Variants in IGHMBP2 observed in about 807,000 individuals in gnomAD.
IGHMBP2 encodes the protein immunoglobulin mu DNA binding protein 2.
Under a neutral mutation model 96.0 loss-of-function variants are expected in IGHMBP2, and 81 were observed. The ratio of observed to expected loss-of-function variants is 0.84; its 90% confidence interval spans 0.71 to 1.01. The LOEUF (loss-of-function observed/expected upper bound fraction) is 1.01, where lower values mean the gene tolerates loss of function less well. Ranked by LOEUF, IGHMBP2 falls within the 50% of genes least tolerant of loss-of-function variation. IGHMBP2 has a pLI of 0.00. For synonymous variants in IGHMBP2, 557 were observed against 548.9 expected (o/e 1.01, Z -0.21); for missense variants, 1,227 against 1,306.3 (o/e 0.94, Z 0.94).
intron 8 of IGHMBP2, chr11:68,933,082 G>A: frequency 3.3e-6 from 2 of 600,134 alleles, no homozygotes; most frequent in South Asian, 3.8e-5. Flanking sequence ...CAGCGTCCCT[G>A]TTGTCCTGTA....
chr11:68,929,489 C>T, intron 8 of IGHMBP2, 132 bp downstream of exon 8: 6 of 854,516 alleles, frequency 7.0e-6, no homozygotes, highest in Non-Finnish European at 1.1e-5. Context: ...AGCTCCTACC[C>T]CGTCTTACAG....
chr11:68,906,291 T>C, intron 2 of IGHMBP2, 53 bp downstream of exon 2: 3 of 1,571,442 alleles, frequency 1.9e-6, no homozygotes, highest in Non-Finnish European at 2.6e-6. Flanking sequence ...ATTCAGACCG[T>C]GACTTGTACC....
intron 11 of IGHMBP2, among the ~76,000 whole-genome samples, 178 bp from the exon 12 acceptor site, chr11:68,935,121 G>A (rs547119430): frequency 5.3e-5 from 8 of 152,228 alleles, no homozygotes; most frequent in Admixed American, 1.3e-4. Flanking sequence ...TGGTATTGGC[G>A]TGCATGCGTG....
chr11:68,933,655 C>T, intron 9 of IGHMBP2, 140 bp from the exon 10 acceptor site: 1 of 995,578 alleles, frequency 1.0e-6, no homozygotes, highest in Non-Finnish European at 1.5e-6. Flanking sequence ...AGGCCCGCTC[C>T]CTCCCTTCTG....
chr11:68,931,928 T>TG (rs1859320991), intron 8 of IGHMBP2, among the ~76,000 whole-genome samples: 1 of 144,100 alleles, frequency 6.9e-6, no homozygotes, highest in Admixed American at 6.8e-5. Context: ...AGGATGGTTT[T>TG]GGGGGAAGAC....
In IGHMBP2 at chr11:68,934,518, C is replaced by T. The variant is rs1303865129; in HGVS notation, c.1592C>T (p.Pro531Leu). The change falls in exon 11 of 15, where the codon CCA (proline) becomes CTA (leucine). Residue 531 changes from proline (P) to leucine (L), a missense_variant. Pro to Leu is a moderately conservative substitution (Grantham distance 98). This residue lies in a region of IGHMBP2 where 703 missense variants were observed against 770.3 expected (regional missense o/e 0.91). Coordinates refer to ENST00000255078, the MANE Select transcript of IGHMBP2 (RefSeq NM_002180.3). Reference sequence around the variant, plus strand: ...CAGGCTCTGGTGGACGCTGGTGTTCCAGCCCGTGACATTGCTGTGGTCTCG... The same window carrying T: ...CAGGCTCTGGTGGACGCTGGTGTTCTAGCCCGTGACATTGCTGTGGTCTCG... ...HIQALVDAGV[P>L]ARDIAVVSPY... 3.7e-6 allele frequency: 6 copies of T among 1,613,032 alleles called. No homozygotes were observed. Among genetic ancestry groups the T allele is most frequent in the Non-Finnish European group, 5.1e-6 (6 of 1,179,486 alleles).
rs1239597688 is a variant in IGHMBP2 at position 68,936,736 on chromosome 11, C to T, written c.2256C>T (p.Ser752=). The T allele has an allele frequency of 6.2e-7, 1 of 1,614,100 alleles. No individual in the cohort carries two copies. Among genetic ancestry groups the T allele is most frequent in the Non-Finnish European group, 8.5e-7 (1 of 1,180,042 alleles). The change falls in exon 13 of 15, where the codon TCC becomes TCT. Residue 752 remains serine, a synonymous_variant. Transcript: ENST00000255078. ...MQLEFPPSLN[S]HDRLRVHQIA... is the part of the protein sequence containing the mutation. ...TGGAGTTTCCTCCTTCCCTCAATTCCCACGACAGGCTGCGGGTCCACCAAA... is the reference window on the plus strand; with the variant it reads ...TGGAGTTTCCTCCTTCCCTCAATTCTCACGACAGGCTGCGGGTCCACCAAA...
chr11:68,924,695 A>G (rs558127374), intron 7 of IGHMBP2, among the ~76,000 whole-genome samples: 3 of 152,334 alleles, frequency 2.0e-5, no homozygotes, highest in Non-Finnish European at 2.9e-5. Flanking sequence ...ACAATGGGTT[A>G]TCGTCTTATG....
chr11:68,911,398 T>G, intron 4 of IGHMBP2, 42 bp from the exon 5 acceptor site: 1 of 1,607,624 alleles, frequency 6.2e-7, no homozygotes, highest in African/African-American at 1.3e-5. Flanking sequence ...CCCACAGAGC[T>G]CCCCAGAGCA....
chr11:68,935,734 C>A (rs1468539195), intron 12 of IGHMBP2, among the ~76,000 whole-genome samples: 1 of 152,208 alleles, frequency 6.6e-6, no homozygotes. Context: ...CTTTAGCCTC[C>A]ATGCACGGAG....
intron 7 of IGHMBP2, among the ~76,000 whole-genome samples, chr11:68,924,679 C>G (rs972371111): frequency 2.0e-5 from 3 of 152,244 alleles, no homozygotes; most frequent in Admixed American, 6.5e-5. Context: ...GACATAGTCT[C>G]CTAGCACAAT....
chr11:68,936,088 C>A, intron 12 of IGHMBP2, 149 bp from the exon 13 acceptor site: 2 of 841,748 alleles, frequency 2.4e-6, no homozygotes, highest in Non-Finnish European at 4.0e-6. Flanking sequence ...TGTGGCATCA[C>A]GGTGCCACGC....
chr11:68,905,566 C>G (rs1037323781), intron 1 of IGHMBP2, among the ~76,000 whole-genome samples: 1 of 152,160 alleles, frequency 6.6e-6, no homozygotes, highest in African/African-American at 2.4e-5. Context: ...GTCTTCTGTT[C>G]TGTGTATGAA....
rs201970407 is a variant in IGHMBP2 at position 68,938,244 on chromosome 11, A to G, written c.2674A>G (p.Lys892Glu). 104 of 1,613,932 alleles carry G rather than the reference A, an allele frequency of 6.4e-5. 1 individual carries two copies. The highest frequency in any genetic ancestry group is 1.5e-5 in the Non-Finnish European group (18 of 1,180,020). ...TGAGGCCCTGGTTTCTGCCGCCGTT[A>G]AGGCTGATAACACCTGCGGCTTTGC... ...DFEALVSAAV[K>E]ADNTCGFAKC... is the part of the protein sequence containing the mutation. The change falls in exon 14 of 15, where the codon AAG (lysine) becomes GAG (glutamate). Residue 892 changes from lysine to glutamate, a missense_variant. This residue lies in a region of IGHMBP2 where 703 missense variants were observed against 770.3 expected (regional missense o/e 0.91). Transcript: ENST00000255078.
At chr11:68,905,620 G>A (rs1271298831) in intron 1 of IGHMBP2, among the ~76,000 whole-genome samples, 1 of 152,216 alleles carries the variant, frequency 6.6e-6, no homozygotes. Context: ...GAGGCGAATA[G>A]CTTTGCATTT....
chr11:68,929,634 A>T, intron 8 of IGHMBP2: 1 of 589,616 alleles, frequency 1.7e-6, no homozygotes, highest in Non-Finnish European at 2.1e-6. Flanking sequence ...CTGCTTGTTG[A>T]GTTGAATATC....
intron 4 of IGHMBP2, 98 bp downstream of exon 4, chr11:68,908,729 A>G: frequency 3.6e-6 from 3 of 830,254 alleles, no homozygotes; most frequent in South Asian, 1.4e-5. Flanking sequence ...TTGAGAAAGT[A>G]TGACTAGAAG....
In IGHMBP2 at chr11:68,933,864, C is replaced by A. The variant is rs145226920; in HGVS notation, c.1488C>A (p.Cys496Ter). The A allele has an allele frequency of 3.5e-4, 559 of 1,606,292 alleles. No homozygotes were observed. Among genetic ancestry groups the A allele is most frequent in the Non-Finnish European group, 4.5e-4 (525 of 1,176,256 alleles). Residue 496 changes from cysteine to a stop codon, truncating the protein, a stop_gained, in exon 10 of 15, where the codon TGC (cysteine) becomes TGA (stop). Coordinates refer to ENST00000255078, the MANE Select transcript of IGHMBP2 (RefSeq NM_002180.3). LOFTEE classifies it high-confidence loss of function. ...VPLLLVDTAGCGLFELEEEDE... is the reference protein window; with the variant it reads ...VPLLLVDTAG ...TGCTCTTGGTGGACACCGCCGGCTG[C>A]GGGCTGTTTGAGCTGGAGGAGGAGG...
intron 14 of IGHMBP2, 34 bp downstream of exon 14, chr11:68,938,388 G>C: frequency 6.4e-7 from 1 of 1,566,428 alleles, no homozygotes; most frequent in Non-Finnish European, 8.7e-7. Context: ...ATCAAACAGT[G>C]GGGAGGGGTG....
Sources: allele counts gnomAD v4.1 joint callset (sites outside exome capture counted in the v4.1 genomes callset), GRCh38; gene constraint gnomAD v4.1.1; regional missense constraint gnomAD v4.1.1; transcripts MANE v1.5; gene names NCBI Gene and HGNC (gene_info 2026-07-23, HGNC 2026-07-21).